Variants in NCOA6 observed in about 807,000 individuals in gnomAD.
The protein encoded by NCOA6 is NRC RAP250.
NCOA6 carries 49 observed loss-of-function variants against 171.4 expected under a neutral mutation model. The observed-to-expected ratio is 0.29, with a 90% confidence interval of 0.23 to 0.36. The LOEUF is 0.36. NCOA6 is among the 10% of genes least tolerant of loss of function. NCOA6 has a pLI of 1.00. For missense variants in NCOA6, 2,248 were observed against 2,554.5 expected (o/e 0.88, Z 2.59); for synonymous variants, 910 against 927.5 (o/e 0.98, Z 0.34).
Position 34,725,560 on chromosome 20 carries a change from T to C in NCOA6, c.6148+1699A>G, listed in dbSNP as rs191295557. On this transcript the variant is annotated intron_variant, in intron 14 of 14. Transcript: ENST00000359003. The stretch of plus-strand genomic sequence containing the variant: ...AGGGCCGAGACCACACAGAAGCTTG[T>C]GGGGTAGGTTGAAGCTTTTGGACTT... 4.1e-3 allele frequency among the ~76,000 whole-genome samples: 630 copies of C among 152,246 alleles called. 2 individuals carry two copies. Among genetic ancestry groups the C allele is most frequent in the African/African-American group, 0.014 (602 of 41,526 alleles).
In NCOA6 at chr20:34,740,584, G is replaced by C. The variant is rs147107014; in HGVS notation, c.5672C>G (p.Ser1891Cys). 2.5e-5 allele frequency: 40 copies of C among 1,614,090 alleles called. No homozygotes were observed. The highest frequency in any genetic ancestry group is 3.1e-5 in the Non-Finnish European group (37 of 1,180,056). Residue 1891 changes from serine (S) to cysteine (C), a missense_variant, in exon 11 of 15, where the codon TCT becomes TGT. Ser to Cys is a moderately radical substitution (Grantham distance 112). Transcript: ENST00000359003. ...PPAPTLLKMT[S>C]SPVGPGTASA... ...GGCAGTGCCCGGGCCCACAGGGCTA[G>C]AGGTCATTTTTAGCAGAGTGGGTGC...
In NCOA6 at chr20:34,825,555, CGTCAGTCCTCGCGTGCGCCCGTCT is replaced by C. The variant is rs1358415934; in HGVS notation, c.-271_-248del. On this transcript the variant is annotated 5_prime_UTR_variant, in exon 1 of 15. Coordinates refer to ENST00000359003, the MANE Select transcript of NCOA6 (RefSeq NM_014071.5). ...GCCCGCCGCCCTCGGTGCGTCCGTC[CGTCAGTCCTCGCGTGCGCCCGTCT>C]GTCCCGCCGCCCGCGCCCGGCCGCC... 1 of 150,176 alleles carries C rather than the reference CGTCAGTCCTCGCGTGCGCCCGTCT, an allele frequency of 6.7e-6. No individual in the cohort carries two copies. The highest frequency in any genetic ancestry group is 6.6e-5 in the Admixed American group (1 of 15,102). The allele number at this position is 150,176 out of a possible 1,614,324, so 9.3% of individuals were successfully genotyped here. A position where few individuals can be genotyped will look rare whatever the true frequency, so the allele number is the denominator to read the frequency against.
chr20:34,794,585 A>G (rs988778794), intron 1 of NCOA6, among the ~76,000 whole-genome samples: 1 of 151,882 alleles, frequency 6.6e-6, no homozygotes, highest in Non-Finnish European at 1.5e-5. Flanking sequence ...TTTTTGAGAG[A>G]AAAAAAACAG....
chr20:34,714,937 G>A lies in NCOA6; in HGVS notation c.*385C>T, dbSNP rs774835827. The A allele has an allele frequency of 1.2e-4, 20 of 169,622 alleles. No individual in the cohort carries two copies. Among genetic ancestry groups the A allele is most frequent in the Middle Eastern group, 2.7e-3 (1 of 372 alleles). 10.5% of individuals were successfully genotyped at this position (169,622 alleles called of 1,614,324 possible). A position where few individuals can be genotyped will look rare whatever the true frequency, so the allele number is the denominator to read the frequency against. On this transcript the variant is annotated 3_prime_UTR_variant, in exon 15 of 15. Transcript: ENST00000359003. ...AAAATTATTTACAACATTTCCAAATGAGAAGATTGCTTTTGCCCCCACTAC... is the reference window on the plus strand; with the variant it reads ...AAAATTATTTACAACATTTCCAAATAAGAAGATTGCTTTTGCCCCCACTAC...
rs190250652 is a variant in NCOA6 at position 34,718,436 on chromosome 20, C to T, written c.6149-3071G>A. ...TTGGTAGTTGATTTTCTACTCCCTC[C>T]AAAATGTTACCACTTTTACTACTCT... On this transcript the variant is annotated intron_variant, in intron 14 of 14. Transcript: ENST00000359003. 1.3e-3 allele frequency among the ~76,000 whole-genome samples: 202 copies of T among 150,668 alleles called. 3 individuals are homozygous for T. The highest frequency in any genetic ancestry group is 4.7e-3 in the African/African-American group (195 of 41,092).
At position 34,715,252 on chromosome 20, in the gene NCOA6, G is replaced by A; in HGVS notation, c.*70C>T. 1 of 1,603,490 alleles carries A rather than the reference G, an allele frequency of 6.2e-7. No homozygotes were observed. Among genetic ancestry groups the A allele is most frequent in the Non-Finnish European group, 8.5e-7 (1 of 1,171,520 alleles). On this transcript the variant is annotated 3_prime_UTR_variant, in exon 15 of 15. Transcript: ENST00000359003. ...ACTGTACAGAAATTGATTTAAAAAAGTCACAGCTCAAAATTGCTCTTTGTA... is the reference window on the plus strand; with the variant it reads ...ACTGTACAGAAATTGATTTAAAAAAATCACAGCTCAAAATTGCTCTTTGTA...
intron 1 of NCOA6, among the ~76,000 whole-genome samples, chr20:34,802,166 C>G (rs2078276151): frequency 6.6e-6 from 1 of 152,180 alleles, no homozygotes; most frequent in Admixed American, 6.5e-5. Flanking sequence ...TTAAACAACA[C>G]ATTAAAAAAT....
At chr20:34,812,383 C>A (rs1293743487) in intron 1 of NCOA6, among the ~76,000 whole-genome samples, 1 of 152,140 alleles carries the variant, frequency 6.6e-6, no homozygotes, top group Admixed American at 6.5e-5. Context: ...CAACAAAATG[C>A]CTGTCAAGGT....
intron 1 of NCOA6, among the ~76,000 whole-genome samples, chr20:34,816,199 T>C (rs1178783289): frequency 2.6e-5 from 4 of 152,210 alleles, no homozygotes; most frequent in African/African-American, 9.6e-5. Flanking sequence ...TTTTAATAAA[T>C]TTTAATTTAA....
intron 10 of NCOA6, among the ~76,000 whole-genome samples, chr20:34,745,376 AG>A (rs1218814953): frequency 1.3e-5 from 2 of 152,218 alleles, no homozygotes; most frequent in African/African-American, 4.8e-5. Context: ...GATTCTTATA[AG>A]AAGAGTTCAG....
At chr20:34,744,939 G>C (rs1035592002) in intron 10 of NCOA6, among the ~76,000 whole-genome samples, 4 of 152,206 alleles carry the variant, frequency 2.6e-5, no homozygotes, top group Non-Finnish European at 5.9e-5. Flanking sequence ...AGACAATATA[G>C]CAGCCTCTCA....
At chr20:34,769,354 G>A (rs1293829774) in intron 4 of NCOA6, among the ~76,000 whole-genome samples, 3 of 151,556 alleles carry the variant, frequency 2.0e-5, no homozygotes, top group Non-Finnish European at 2.9e-5. Context: ...CACTATGTCC[G>A]GCTACGTATA....
At chr20:34,753,018 GA>G (rs2076537066) in intron 8 of NCOA6, among the ~76,000 whole-genome samples, 1 of 150,680 alleles carries the variant, frequency 6.6e-6, no homozygotes, top group African/African-American at 2.4e-5. Flanking sequence ...ACAAGAATGA[GA>G]AATGACTTTG....
intron 4 of NCOA6, among the ~76,000 whole-genome samples, chr20:34,768,817 G>A (rs1215254617): frequency 1.3e-5 from 2 of 152,122 alleles, no homozygotes; most frequent in Non-Finnish European, 2.9e-5. Context: ...GGGAAGCAGG[G>A]TGACCATGAA....
Position 34,741,635 on chromosome 20 carries a change from TAGA to T in NCOA6, c.4618_4620del (p.Ser1540del). 1.2e-6 allele frequency: 2 copies of T among 1,614,198 alleles called. No homozygotes were observed. The highest frequency in any genetic ancestry group is 1.1e-5 in the South Asian group (1 of 91,082). On this transcript the variant is annotated inframe_deletion, in exon 11 of 15. Coordinates refer to ENST00000359003, the MANE Select transcript of NCOA6 (RefSeq NM_014071.5). ...AAGTTTAGGGAATTAGAAGGTTCTT[TAGA>T]AGAAGACAGATCCTGCAGTGTGGGA...
chr20:34,797,295 G>A (rs747393608), intron 1 of NCOA6, among the ~76,000 whole-genome samples: 2 of 152,144 alleles, frequency 1.3e-5, no homozygotes, highest in Non-Finnish European at 2.9e-5. Context: ...CTCAGCCACA[G>A]TAGGAGAGGG....
chr20:34,803,783 G>A (rs1328465862), intron 1 of NCOA6, among the ~76,000 whole-genome samples: 2 of 151,734 alleles, frequency 1.3e-5, no homozygotes, highest in Non-Finnish European at 2.9e-5. Flanking sequence ...ATCACTTGAG[G>A]TCAGGAGTTC....
chr20:34,717,398 C>A (rs748606272), intron 14 of NCOA6, among the ~76,000 whole-genome samples: 1 of 151,938 alleles, frequency 6.6e-6, no homozygotes, highest in African/African-American at 2.4e-5. Context: ...TGTGGTGAGC[C>A]GAGATTGCGC....
intron 5 of NCOA6, among the ~76,000 whole-genome samples, chr20:34,764,775 GA>G (rs991785478): frequency 3.3e-5 from 5 of 152,158 alleles, no homozygotes; most frequent in South Asian, 2.1e-4. Flanking sequence ...TGTTTCTGAG[GA>G]ATCGCACCTG....
Sources: gnomAD v4.1 joint callset for allele counts (sites outside exome capture counted in the v4.1 genomes callset) on GRCh38, gnomAD v4.1.1 for gene constraint, MANE v1.5 for transcripts, NCBI Gene and HGNC (gene_info 2026-07-23, HGNC 2026-07-21) for gene names.